The following EPHA6 variants were observed in gnomAD, a reference collection of about 807,000 sequenced individuals.
The protein encoded by EPHA6 is EPH receptor A6.
A neutral mutation model predicts 112.0 loss-of-function variants in EPHA6; 50 were observed. That is an observed-to-expected ratio of 0.45 (90% CI 0.36 to 0.56). The LOEUF (loss-of-function observed/expected upper bound fraction) is 0.56, where lower values mean the gene tolerates loss of function less well. Among genes scored for constraint, EPHA6 ranks in the 20% least tolerant of loss-of-function variants. The probability of loss-of-function intolerance (pLI) is 0.00; values close to 1 mark genes in which losing one functional copy is unlikely to be tolerated. For synonymous variants in EPHA6, 529 were observed against 490.7 expected (o/e 1.08, Z -1.03); for missense variants, 1,280 against 1,417.4 (o/e 0.90, Z 1.56).
At chr3:97,301,135 C>G (rs1041723492) in intron 5 of EPHA6, among the ~76,000 whole-genome samples, 1 of 152,098 alleles carries the variant, frequency 6.6e-6, no homozygotes. Context: ...TATCTTCTCC[C>G]ATTACTTTGA....
chr3:97,609,574 A>G (rs1315633368), intron 12 of EPHA6, among the ~76,000 whole-genome samples: 3 of 151,506 alleles, frequency 2.0e-5, no homozygotes, highest in East Asian at 1.9e-4. Context: ...TTTATGCATG[A>G]TAAATTGGGA....
At chr3:96,887,011 G>A (rs1217621262) in intron 2 of EPHA6, among the ~76,000 whole-genome samples, 2 of 152,054 alleles carry the variant, frequency 1.3e-5, no homozygotes, top group African/African-American at 4.8e-5. Flanking sequence ...GGATTTCATT[G>A]CATTGGGGTT....
chr3:97,712,853 T>C (rs552065676), intron 14 of EPHA6, among the ~76,000 whole-genome samples: 4 of 152,270 alleles, frequency 2.6e-5, no homozygotes, highest in Admixed American at 6.5e-5. Flanking sequence ...TGAATAAAAA[T>C]GTAGTGTAGT....
At chr3:97,130,475 T>C (rs909445663) in intron 3 of EPHA6, among the ~76,000 whole-genome samples, 1 of 152,212 alleles carries the variant, frequency 6.6e-6, no homozygotes, top group African/African-American at 2.4e-5. Context: ...TTCTATTTAA[T>C]TATACAAATA....
Position 97,276,290 on chromosome 3 carries a change from C to G in EPHA6, c.1606+32003C>G, listed in dbSNP as rs545773531. Among the ~76,000 whole-genome samples the G allele has an allele frequency of 2.6e-5, 4 of 152,238 alleles. No homozygotes were observed. In the East Asian group the frequency reaches 7.7e-4, roughly 29 times the overall value. ...TCTGGGAAGGAGTCAGTCAGAGAGC[C>G]TTGGGCCAGAGTTCCAGGGGCTCTG... On this transcript the variant is annotated intron_variant, in intron 5 of 17. Transcript: ENST00000389672.
At chr3:97,566,516 A>G (rs567080721) in intron 11 of EPHA6, among the ~76,000 whole-genome samples, 6 of 152,314 alleles carry the variant, frequency 3.9e-5, no homozygotes, top group Admixed American at 3.9e-4. Flanking sequence ...TTGGGATCCA[A>G]TCTTGGAAAA....
At chr3:97,677,721 T>TAAAAAAAAAAAAAA in intron 14 of EPHA6, among the ~76,000 whole-genome samples, 1 of 92,788 alleles carries the variant, frequency 1.1e-5, no homozygotes, top group Non-Finnish European at 2.1e-5. Context: ...AACTCCATCT[T>TAAAAAAAAAAAAAA]AAAAAAAAAA....
intron 4 of EPHA6, among the ~76,000 whole-genome samples, chr3:97,234,714 A>C (rs180923019): frequency 1.3e-5 from 2 of 152,204 alleles, no homozygotes; most frequent in Admixed American, 1.3e-4. Context: ...CCTGTTAAAT[A>C]TTAAATTTTC....
At chr3:97,666,209 ACT>A (rs2030089609) in intron 14 of EPHA6, among the ~76,000 whole-genome samples, 1 of 151,958 alleles carries the variant, frequency 6.6e-6, no homozygotes, top group South Asian at 2.1e-4. Flanking sequence ...ATGTAGCAAA[ACT>A]CTATGAATTT....
intron 14 of EPHA6, among the ~76,000 whole-genome samples, chr3:97,695,375 T>C (rs1008768167): frequency 1.3e-5 from 2 of 152,226 alleles, no homozygotes; most frequent in Admixed American, 1.3e-4. Context: ...ATACTATTAC[T>C]GTAGACAGAG....
At chr3:96,896,828 G>A (rs910570020) in intron 2 of EPHA6, among the ~76,000 whole-genome samples, 7 of 152,090 alleles carry the variant, frequency 4.6e-5, no homozygotes, top group African/African-American at 1.7e-4. Context: ...GTTAGGTTTT[G>A]CAAATTTTTC....
intron 5 of EPHA6, among the ~76,000 whole-genome samples, chr3:97,397,768 T>C (rs981558279): frequency 6.6e-6 from 1 of 151,598 alleles, no homozygotes; most frequent in African/African-American, 2.4e-5. Context: ...TCATTAAGTA[T>C]ACAGAATGGA....
intron 14 of EPHA6, among the ~76,000 whole-genome samples, chr3:97,685,693 A>G (rs1349863764): frequency 6.6e-6 from 1 of 152,194 alleles, no homozygotes; most frequent in Non-Finnish European, 1.5e-5. Flanking sequence ...TCACATGGCC[A>G]TGCCTAACTT....
chr3:96,956,801 G>C (rs2041778350), intron 2 of EPHA6, among the ~76,000 whole-genome samples: 1 of 152,172 alleles, frequency 6.6e-6, no homozygotes, highest in Non-Finnish European at 1.5e-5. Context: ...TTGTGGGGCT[G>C]AGGCGGGTGG....
chr3:96,947,534 G>A (rs148917104), intron 2 of EPHA6, among the ~76,000 whole-genome samples: 1,826 of 152,132 alleles, frequency 0.012, 34 homozygotes, highest in African/African-American at 0.042. Flanking sequence ...TGTTCCATTG[G>A]TCTATATCTC....
intron 6 of EPHA6, among the ~76,000 whole-genome samples, chr3:97,431,395 T>G (rs1419001262): frequency 6.6e-6 from 1 of 152,076 alleles, no homozygotes; most frequent in Non-Finnish European, 1.5e-5. Context: ...ATTTTTAAAG[T>G]TTGTCATGGT....
At chr3:96,938,679 C>T (rs940202219) in intron 2 of EPHA6, among the ~76,000 whole-genome samples, 1 of 151,690 alleles carries the variant, frequency 6.6e-6, no homozygotes, top group African/African-American at 2.4e-5. Flanking sequence ...GCATCCCTGT[C>T]TTGTGCCAGT....
chr3:96,907,021 C>T (rs1375382951), intron 2 of EPHA6, among the ~76,000 whole-genome samples: 1 of 151,398 alleles, frequency 6.6e-6, no homozygotes, highest in Non-Finnish European at 1.5e-5. Flanking sequence ...AAGTAGAGCC[C>T]CTAAATTGAC....
intron 4 of EPHA6, among the ~76,000 whole-genome samples, chr3:97,237,614 A>G (rs1276571207): frequency 6.6e-6 from 1 of 152,082 alleles, no homozygotes; most frequent in Non-Finnish European, 1.5e-5. Context: ...GAAATCATTC[A>G]TAATTTGAAA....
Sources: allele counts gnomAD v4.1 joint callset (sites outside exome capture counted in the v4.1 genomes callset), GRCh38; gene constraint gnomAD v4.1.1; transcripts MANE v1.5; gene names NCBI Gene and HGNC (gene_info 2026-07-23, HGNC 2026-07-21).